The following SNX33 variants were observed in gnomAD, a reference collection of about 807,000 sequenced individuals.
SNX33 encodes sorting nexin 33.
In SNX33, 19 loss-of-function variants were observed where a neutral mutation model predicts 38.8. That is an observed-to-expected ratio of 0.49 (90% confidence interval 0.34 to 0.72). The LOEUF (loss-of-function observed/expected upper bound fraction) is 0.72. Ranked by LOEUF, SNX33 falls within the 30% of genes least tolerant of loss-of-function variation. SNX33 has a pLI of 0.01. For synonymous variants in SNX33, 246 were observed against 289.7 expected, an observed-to-expected ratio of 0.85 and a Z score of 1.53; for missense variants, 641 against 776.4, an observed-to-expected ratio of 0.83 and a Z score of 2.07.
chr15:75,651,888 G>A (rs904507046), intron 1 of SNX33, among the ~76,000 whole-genome samples: 9 of 152,246 alleles, frequency 5.9e-5, no homozygotes, highest in African/African-American at 2.2e-4. Context: ...CACCACCAGG[G>A]AGGGCCTGGG....
intron 1 of SNX33, among the ~76,000 whole-genome samples, chr15:75,652,699 G>A (rs538547936): frequency 2.1e-3 from 315 of 152,274 alleles, no homozygotes; most frequent in African/African-American, 7.0e-3. Context: ...TCCCTCCCCG[G>A]GAGGACCCCT....
rs375610627 is a variant in SNX33, at chr15:75,654,471, C to G, written c.1472-2491C>G. On this transcript the variant is annotated intron_variant, in intron 1 of 1. Coordinates refer to ENST00000308527, the MANE Select transcript of SNX33 (RefSeq NM_153271.2). ...GTGGATGTTAACTGTCTCCAAGAGG[C>G]AGGGGCAAGATGGATTGAGGTGGGA... Among the ~76,000 whole-genome samples the G allele has an allele frequency of 6.6e-5, 10 of 152,320 alleles. No homozygotes were observed. In the East Asian group the frequency reaches 1.7e-3, roughly 26 times the overall value.
In SNX33 at chr15:75,658,330, G is replaced by C. The variant is rs901811255; in HGVS notation, c.*1115G>C. The C allele has an allele frequency of 6.5e-6, 1 of 152,722 alleles. No homozygotes were observed. The highest frequency in any genetic ancestry group is 1.9e-4 in the East Asian group (1 of 5,178). 9.5% of individuals were successfully genotyped at this position (152,722 alleles called of 1,614,324 possible). Reference sequence around the variant, plus strand: ...CTGTTGCACAATGGGAAACCTAAGAGGAAAAAGACAGGGGCCTGCTTGCCC... The same window carrying C: ...CTGTTGCACAATGGGAAACCTAAGACGAAAAAGACAGGGGCCTGCTTGCCC... On this transcript the variant is annotated 3_prime_UTR_variant, in exon 2 of 2. Transcript: ENST00000308527. The surrounding 1 kb of genome is among the most constrained non-coding windows in gnomAD (Gnocchi z 4.1).
Position 75,657,295 on chromosome 15 carries a change from C to A in SNX33, c.*80C>A, listed in dbSNP as rs1284409985. The A allele has an allele frequency of 7.0e-6, 11 of 1,578,690 alleles. No individual in the cohort carries two copies. The highest frequency in any genetic ancestry group is 8.6e-6 in the Non-Finnish European group (10 of 1,160,636). On this transcript the variant is annotated 3_prime_UTR_variant, in exon 2 of 2. Transcript: ENST00000308527. This position sits in a 1 kb window ranked among gnomAD's most constrained non-coding sequence, Gnocchi z 5.5. ...CACTTTCCCGACCTCCCTATACCAG[C>A]AGTGACTGGGGGAGGGGTCAGCGGT...
At position 75,657,052 on chromosome 15, in the gene SNX33, G is replaced by A. The variant is rs1268551268; in HGVS notation, c.1562G>A (p.Arg521His). 4 of 1,614,144 alleles carry A rather than the reference G, an allele frequency of 2.5e-6. No individual in the cohort carries two copies. The highest frequency in any genetic ancestry group is 4.5e-5 in the East Asian group (2 of 44,890). Residue 521 changes from arginine to histidine, a missense_variant, in exon 2 of 2, where the codon CGC becomes CAC. By Grantham distance (29) the Arg-to-His change is conservative. Coordinates refer to ENST00000308527, the MANE Select transcript of SNX33 (RefSeq NM_153271.2). This position sits in a 1 kb window ranked among gnomAD's most constrained non-coding sequence, Gnocchi z 5.5. The part of the protein sequence containing the change: ...DEADGIRRRC[R>H]VVGFALQAEM... ...GCAGACGGCATTCGCAGGCGCTGCC[G>A]CGTGGTGGGTTTCGCCCTGCAGGCC...
chr15:75,651,682 G>C (rs1209799344), intron 1 of SNX33, among the ~76,000 whole-genome samples: 7 of 152,280 alleles, frequency 4.6e-5, no homozygotes, highest in Admixed American at 2.6e-4. Flanking sequence ...CCTGGGCACA[G>C]CTGGGAGGGC....
chr15:75,655,638 G>A (rs576335881), intron 1 of SNX33, among the ~76,000 whole-genome samples: 1 of 152,356 alleles, frequency 6.6e-6, no homozygotes, highest in South Asian at 2.1e-4. Flanking sequence ...CTGATATACA[G>A]TAAGTGCTCA....
In SNX33 at chr15:75,649,512, C is replaced by A; in HGVS notation, c.410C>A (p.Thr137Asn). 1 of 1,575,304 alleles carries A rather than the reference C, an allele frequency of 6.3e-7. No individual in the cohort carries two copies. Among genetic ancestry groups the A allele is most frequent in the Non-Finnish European group, 8.6e-7 (1 of 1,157,190 alleles). ...GAGCCACGGGCTGGTGGGCTGGGCA[C>A]CAACGGGCACCCTCCCCTCAACCTC... ...VEEPRAGGLG[T>N]NGHPPLNLSY... The change falls in exon 1 of 2, where the codon ACC becomes AAC. Residue 137 changes from threonine to asparagine, a missense_variant. Thr to Asn is a moderately conservative substitution (Grantham distance 65). Around this residue, in one of 2 missense-constraint regions of SNX33, gnomAD observed 243 missense variants for 233.9 expected, o/e 1.04. Coordinates refer to ENST00000308527, the MANE Select transcript of SNX33 (RefSeq NM_153271.2). This position sits in a 1 kb window ranked among gnomAD's most constrained non-coding sequence, Gnocchi z 6.6.
rs1893519115 is a variant in SNX33, at chr15:75,648,057, G to T, written c.-1046G>T. ...GACGGACGGACAGACGGCTGGCCGC[G>T]CCATCTGCTCGCCGGAGCTCACTCT... On this transcript the variant is annotated 5_prime_UTR_variant, in exon 1 of 2. Transcript: ENST00000308527. This position sits in a 1 kb window ranked among gnomAD's most constrained non-coding sequence, Gnocchi z 4.4. The T allele has an allele frequency of 2.0e-6, 2 of 985,470 alleles. No individual in the cohort carries two copies. The highest frequency in any genetic ancestry group is 4.7e-5 in the South Asian group (1 of 21,286). 61.0% of individuals were successfully genotyped at this position (985,470 alleles called of 1,614,324 possible). A position where few individuals can be genotyped will look rare whatever the true frequency, so the allele number is the denominator to read the frequency against.
intron 1 of SNX33, among the ~76,000 whole-genome samples, chr15:75,651,755 G>A (rs972128293): frequency 2.0e-5 from 3 of 152,258 alleles, no homozygotes; most frequent in Non-Finnish European, 4.4e-5. Context: ...GCAGGGCGTG[G>A]AGCTGGCTCC....
chr15:75,648,332 ACTTCTGG>A lies in SNX33; in HGVS notation c.-770_-764del. On this transcript the variant is annotated 5_prime_UTR_variant, in exon 1 of 2. Transcript: ENST00000308527. This position sits in a 1 kb window ranked among gnomAD's most constrained non-coding sequence, Gnocchi z 4.4. The stretch of plus-strand genomic sequence containing the variant: ...CCTTCCTCCGGGGTTGGGGCTGGCC[ACTTCTGG>A]GGCGGGGAGAGGGCGCCCGAGCCGG... 1.0e-6 allele frequency: 1 copy of A among 985,174 alleles called. No homozygotes were observed. Among genetic ancestry groups the A allele is most frequent in the African/African-American group, 1.7e-5 (1 of 57,276 alleles). The allele number at this position is 985,174 out of a possible 1,614,324, so 61.0% of individuals were successfully genotyped here.
At chr15:75,654,811 C>T (rs1167041658) in intron 1 of SNX33, among the ~76,000 whole-genome samples, 1 of 152,222 alleles carries the variant, frequency 6.6e-6, no homozygotes, top group African/African-American at 2.4e-5. Flanking sequence ...CCATCCCTGG[C>T]CTCCTGCCTG....
intron 1 of SNX33, among the ~76,000 whole-genome samples, chr15:75,651,573 G>A (rs774063433): frequency 9.9e-5 from 15 of 152,192 alleles, no homozygotes; most frequent in Admixed American, 2.0e-4. Context: ...AGGGGTCCAG[G>A]GCACTGTCCA....
At position 75,649,130 on chromosome 15, in the gene SNX33, G is replaced by T; in HGVS notation, c.28G>T (p.Asp10Tyr). MALKGRALYDFHSENKEEIS... is the reference protein window; with the variant it reads MALKGRALYYFHSENKEEIS... Reference sequence around the variant, plus strand: ...GGCACTGAAAGGCCGAGCCCTCTATGACTTTCACAGTGAGAACAAGGAGGA... The same window carrying T: ...GGCACTGAAAGGCCGAGCCCTCTATTACTTTCACAGTGAGAACAAGGAGGA... Residue 10 changes from aspartate to tyrosine, a missense_variant, in exon 1 of 2, where the codon GAC (aspartate) becomes TAC (tyrosine). Around this residue, in one of 2 missense-constraint regions of SNX33, gnomAD observed 243 missense variants for 233.9 expected, o/e 1.04. Coordinates refer to ENST00000308527, the MANE Select transcript of SNX33 (RefSeq NM_153271.2). The surrounding 1 kb of genome is among the most constrained non-coding windows in gnomAD (Gnocchi z 6.6). 1 of 1,607,452 alleles carries T rather than the reference G, an allele frequency of 6.2e-7. No homozygotes were observed. Among genetic ancestry groups the T allele is most frequent in the South Asian group, 1.1e-5 (1 of 90,394 alleles).
In SNX33 at chr15:75,661,249, A is replaced by G. The variant is rs1487060269; in HGVS notation, c.*4034A>G. 1 of 152,288 alleles carries G rather than the reference A, an allele frequency of 6.6e-6. No homozygotes were observed. Among genetic ancestry groups the G allele is most frequent in the Non-Finnish European group, 1.5e-5 (1 of 68,140 alleles). The allele number at this position is 152,288 out of a possible 1,614,324, so 9.4% of individuals were successfully genotyped here. ...GCAGGGCCTAGGCCTGGGCGGGAGG[A>G]ACATTCCTGCACCATCTCCTCCCCA... On this transcript the variant is annotated 3_prime_UTR_variant, in exon 2 of 2. Coordinates refer to ENST00000308527, the MANE Select transcript of SNX33 (RefSeq NM_153271.2). This position sits in a 1 kb window ranked among gnomAD's most constrained non-coding sequence, Gnocchi z 4.5.
Position 75,649,625 on chromosome 15 carries a change from C to T in SNX33, c.523C>T (p.Arg175Ter), listed in dbSNP as rs1893549785. The change falls in exon 1 of 2, where the codon CGA becomes TGA. Residue 175 changes from arginine (R) to a stop codon, truncating the protein, a stop_gained. Transcript: ENST00000308527. LOFTEE classifies it high-confidence loss of function. The surrounding 1 kb of genome is among the most constrained non-coding windows in gnomAD (Gnocchi z 6.6). ...GCAGGACAGCCTGGCATCTGCCAAG[C>T]GAGGCAGTGTGGTGGGCCGTAACCT... ...ERQDSLASAK[R>*]GSVVGRNLNR... 2.5e-6 allele frequency: 4 copies of T among 1,612,772 alleles called. No individual in the cohort carries two copies. Among genetic ancestry groups the T allele is most frequent in the Non-Finnish European group, 2.5e-6 (3 of 1,179,294 alleles).
chr15:75,649,027 T>C lies in SNX33; in HGVS notation c.-76T>C. 2.0e-6 allele frequency: 3 copies of C among 1,504,378 alleles called. No homozygotes were observed. Among genetic ancestry groups the C allele is most frequent in the Non-Finnish European group, 2.7e-6 (3 of 1,123,860 alleles). The allele number at this position is 1,504,378 out of a possible 1,614,324, so 93.2% of individuals were successfully genotyped here. A position where few individuals can be genotyped will look rare whatever the true frequency, so the allele number is the denominator to read the frequency against. On this transcript the variant is annotated 5_prime_UTR_variant, in exon 1 of 2. Coordinates refer to ENST00000308527, the MANE Select transcript of SNX33 (RefSeq NM_153271.2). This position sits in a 1 kb window ranked among gnomAD's most constrained non-coding sequence, Gnocchi z 6.6. Reference sequence around the variant, plus strand: ...GCGCCATTCAGCTGCGAGTGCATTCTTGGACTGCCTTGTGAGCATCCCCGG... The same window carrying C: ...GCGCCATTCAGCTGCGAGTGCATTCCTGGACTGCCTTGTGAGCATCCCCGG...
rs940166828 is a variant in SNX33 at position 75,657,534 on chromosome 15, C to T, written c.*319C>T. 1 of 432,636 alleles carries T rather than the reference C, an allele frequency of 2.3e-6. No homozygotes were observed. The highest frequency in any genetic ancestry group is 4.3e-6 in the Non-Finnish European group (1 of 232,460). 26.8% of individuals were successfully genotyped at this position (432,636 alleles called of 1,614,324 possible). A position where few individuals can be genotyped will look rare whatever the true frequency, so the allele number is the denominator to read the frequency against. On this transcript the variant is annotated 3_prime_UTR_variant, in exon 2 of 2. Transcript: ENST00000308527. This position sits in a 1 kb window ranked among gnomAD's most constrained non-coding sequence, Gnocchi z 5.5. Reference sequence around the variant, plus strand: ...CCTAGAGCCTATTTTGCTTGCTCACCTGGCCACTGCTGCCTTATCCATTCA... The same window carrying T: ...CCTAGAGCCTATTTTGCTTGCTCACTTGGCCACTGCTGCCTTATCCATTCA...
In SNX33 at chr15:75,648,534, T is replaced by G; in HGVS notation, c.-569T>G. On this transcript the variant is annotated 5_prime_UTR_variant, in exon 1 of 2. Coordinates refer to ENST00000308527, the MANE Select transcript of SNX33 (RefSeq NM_153271.2). This position sits in a 1 kb window ranked among gnomAD's most constrained non-coding sequence, Gnocchi z 4.4. ...GCCCCTCTTGGATTTTCCGGATTTTTGAAAACCCAGTGGCCCAGGAGCAAG... is the reference window on the plus strand; with the variant it reads ...GCCCCTCTTGGATTTTCCGGATTTTGGAAAACCCAGTGGCCCAGGAGCAAG... 1.0e-6 allele frequency: 1 copy of G among 985,438 alleles called. No homozygotes were observed. The highest frequency in any genetic ancestry group is 1.7e-5 in the African/African-American group (1 of 57,346). 61.0% of individuals were successfully genotyped at this position (985,438 alleles called of 1,614,324 possible). A position where few individuals can be genotyped will look rare whatever the true frequency, so the allele number is the denominator to read the frequency against.
Sources: allele counts gnomAD v4.1 joint callset (sites outside exome capture counted in the v4.1 genomes callset), GRCh38; gene constraint gnomAD v4.1.1; regional missense constraint gnomAD v4.1.1; non-coding constraint Gnocchi (gnomAD v3.1); transcripts MANE v1.5; gene names NCBI Gene and HGNC (gene_info 2026-07-23, HGNC 2026-07-21).